The following PTPRG variants were observed in gnomAD, a reference collection of about 807,000 sequenced individuals.
PTPRG encodes receptor-type tyrosine-protein phosphatase gamma.
PTPRG carries 102 observed loss-of-function variants against 165.3 expected under a neutral mutation model. The ratio of observed to expected loss-of-function variants is 0.62; its 90% confidence interval spans 0.53 to 0.73. PTPRG has a LOEUF of 0.73. Among genes scored for constraint, PTPRG ranks in the 30% least tolerant of loss-of-function variants. The pLI is 0.00. For synonymous variants in PTPRG, 675 were observed against 669.5 expected, an observed-to-expected ratio of 1.01 and a Z score of -0.13; for missense variants, 1,866 against 1,861.4, an observed-to-expected ratio of 1.00 and a Z score of -0.05.
chr3:61,791,990 G>T (rs1218214516), intron 2 of PTPRG, among the ~76,000 whole-genome samples: 1 of 152,174 alleles, frequency 6.6e-6, no homozygotes, highest in African/African-American at 2.4e-5. Context: ...CATGTTTAAT[G>T]CATCTTCCTG....
At position 61,839,478 on chromosome 3, in the gene PTPRG, A is replaced by G. The variant is rs183734050; in HGVS notation, c.190+90496A>G. On this transcript the variant is annotated intron_variant, in intron 2 of 29. Transcript: ENST00000474889. ...AAATAGTTAATATTCTTCAGCTGCTAGAAGGCTGGAATTTCTGGGAAGGAC... is the reference window on the plus strand; with the variant it reads ...AAATAGTTAATATTCTTCAGCTGCTGGAAGGCTGGAATTTCTGGGAAGGAC... Among the ~76,000 whole-genome samples, 104 of 152,346 alleles carry G rather than the reference A, an allele frequency of 6.8e-4. 1 individual carries two copies. In the Middle Eastern group the frequency reaches 0.041, roughly 60 times the overall value.
At chr3:61,634,703 C>T (rs1701859651) in intron 1 of PTPRG, among the ~76,000 whole-genome samples, 5 of 152,178 alleles carry the variant, frequency 3.3e-5, no homozygotes, top group Admixed American at 3.3e-4. Flanking sequence ...CCCCTCTTCT[C>T]CTGTGAGGTC....
intron 1 of PTPRG, among the ~76,000 whole-genome samples, chr3:61,631,066 A>G (rs1701762442): frequency 6.6e-6 from 1 of 152,188 alleles, no homozygotes; most frequent in South Asian, 2.1e-4. Context: ...AAAAAAAAGA[A>G]AAAAGAAAAA....
At chr3:62,171,765 A>C (rs769978388) in intron 8 of PTPRG, among the ~76,000 whole-genome samples, 1 of 152,018 alleles carries the variant, frequency 6.6e-6, no homozygotes, top group Non-Finnish European at 1.5e-5. Flanking sequence ...TCATTCTTTT[A>C]ACGTGTACAC....
chr3:61,805,396 G>T (rs2035380772), intron 2 of PTPRG, among the ~76,000 whole-genome samples: 1 of 152,124 alleles, frequency 6.6e-6, no homozygotes, highest in African/African-American at 2.4e-5. Context: ...ACAGTGGCCT[G>T]TATGTGTCTT....
chr3:62,259,630 A>AT (rs887813977), intron 16 of PTPRG, among the ~76,000 whole-genome samples: 6 of 152,074 alleles, frequency 3.9e-5, no homozygotes, highest in African/African-American at 4.8e-5. Flanking sequence ...GTTTTTTGAG[A>AT]TTTTGGTGAA....
At chr3:62,289,128 G>A (rs891914479) in intron 28 of PTPRG, among the ~76,000 whole-genome samples, 4 of 152,100 alleles carry the variant, frequency 2.6e-5, no homozygotes, top group Non-Finnish European at 5.9e-5. Flanking sequence ...CTCACTATGC[G>A]ATCTTGGCCA....
intron 1 of PTPRG, among the ~76,000 whole-genome samples, chr3:61,592,921 A>T (rs1700608755): frequency 1.4e-5 from 1 of 69,640 alleles, no homozygotes; most frequent in African/African-American, 4.4e-5. Flanking sequence ...GCTGTGCTGA[A>T]GGTGGTTCCT....
rs1559586538 is a variant in PTPRG, at chr3:61,743,026, A to T, written c.86-5852A>T. ...GATCTGCAACTCCACCGTCTCCAGG[A>T]ACTTGCGGCGCTTGCGCTGGTTCCG... On this transcript the variant is annotated intron_variant, in intron 1 of 29. Coordinates refer to ENST00000474889, the MANE Select transcript of PTPRG (RefSeq NM_002841.4). The T allele has an allele frequency of 1.9e-6, 3 of 1,589,366 alleles. No individual in the cohort carries two copies. In the East Asian group the frequency reaches 6.7e-5, roughly 36 times the overall value.
rs533723167 is a variant in PTPRG at position 61,702,754 on chromosome 3, C to G, written c.86-46124C>G. 5.3e-5 allele frequency among the ~76,000 whole-genome samples: 8 copies of G among 152,344 alleles called. No individual in the cohort carries two copies. In the East Asian group the frequency reaches 1.2e-3, roughly 22 times the overall value. On this transcript the variant is annotated intron_variant, in intron 1 of 29. Coordinates refer to ENST00000474889, the MANE Select transcript of PTPRG (RefSeq NM_002841.4). Reference sequence around the variant, plus strand: ...AGATTTGCCCACATAACTTAGGGAACTCTTTTGGGTCTGTCTGCTTTTGCT... The same window carrying G: ...AGATTTGCCCACATAACTTAGGGAAGTCTTTTGGGTCTGTCTGCTTTTGCT...
intron 1 of PTPRG, among the ~76,000 whole-genome samples, chr3:61,667,588 G>A (rs926688729): frequency 1.3e-5 from 2 of 151,948 alleles, no homozygotes; most frequent in Non-Finnish European, 2.9e-5. Context: ...ACTCATGCTC[G>A]GCATTTTGTA....
intron 5 of PTPRG, among the ~76,000 whole-genome samples, chr3:62,119,169 G>T (rs1397962532): frequency 6.6e-6 from 1 of 152,200 alleles, no homozygotes; most frequent in Non-Finnish European, 1.5e-5. Flanking sequence ...TGTGTTACAG[G>T]TGGGTGTGAG....
At chr3:61,795,781 T>G (rs1170186334) in intron 2 of PTPRG, among the ~76,000 whole-genome samples, 1 of 152,128 alleles carries the variant, frequency 6.6e-6, no homozygotes, top group Admixed American at 6.6e-5. Context: ...TTAAGGCTAT[T>G]GATTACTAGT....
intron 3 of PTPRG, among the ~76,000 whole-genome samples, chr3:62,002,212 G>A (rs1254458083): frequency 1.3e-5 from 2 of 152,068 alleles, no homozygotes; most frequent in African/African-American, 2.4e-5. Context: ...TCTAGAAATG[G>A]GTCATTAGCC....
intron 13 of PTPRG, among the ~76,000 whole-genome samples, chr3:62,225,530 T>TTC (rs1553654219): frequency 6.6e-6 from 1 of 151,962 alleles, no homozygotes; most frequent in African/African-American, 2.4e-5. Context: ...TTTTTTTTTT[T>TTC]CTGTAATCCT....
At chr3:62,009,217 A>G (rs1271805031) in intron 4 of PTPRG, among the ~76,000 whole-genome samples, 1 of 152,184 alleles carries the variant, frequency 6.6e-6, no homozygotes, top group Non-Finnish European at 1.5e-5. Context: ...TTATGTCTAA[A>G]GAGCACTGCT....
At chr3:62,250,113 ACT>A (rs1289994534) in intron 15 of PTPRG, among the ~76,000 whole-genome samples, 3 of 151,878 alleles carry the variant, frequency 2.0e-5, no homozygotes, top group Non-Finnish European at 2.9e-5. Flanking sequence ...TTTTCATAAC[ACT>A]CTATGAATTA....
At chr3:62,018,697 C>T (rs181351084) in intron 4 of PTPRG, among the ~76,000 whole-genome samples, 2 of 152,262 alleles carry the variant, frequency 1.3e-5, no homozygotes, top group African/African-American at 4.8e-5. Flanking sequence ...TTACAAAGCT[C>T]AAGGCATCCC....
chr3:61,642,045 T>A (rs567625386), intron 1 of PTPRG, among the ~76,000 whole-genome samples: 2 of 152,190 alleles, frequency 1.3e-5, no homozygotes, highest in Admixed American at 1.3e-4. Context: ...GCTGCAGGGC[T>A]CACCTGCAGA....
Sources: gnomAD v4.1 joint callset for allele counts (sites outside exome capture counted in the v4.1 genomes callset) on GRCh38, gnomAD v4.1.1 for gene constraint, MANE v1.5 for transcripts, NCBI Gene and HGNC (gene_info 2026-07-23, HGNC 2026-07-21) for gene names.